The following MID2 variants were observed in gnomAD, a reference collection of about 807,000 sequenced individuals.
MID2 encodes the protein midline 2, also known as probable E3 ubiquitin-protein ligase MID2.
Under a neutral mutation model 46.1 loss-of-function variants are expected in MID2, and 13 were observed. That is an observed-to-expected ratio of 0.28 (90% CI 0.18 to 0.45). The LOEUF (loss-of-function observed/expected upper bound fraction) is 0.45, where lower values mean the gene tolerates loss of function less well. Among genes scored for constraint, MID2 ranks in the 20% least tolerant of loss-of-function variants. The probability of loss-of-function intolerance (pLI) is 1.00; values close to 1 mark genes in which losing one functional copy is unlikely to be tolerated. For missense variants in MID2, 431 were observed against 575.4 expected, an observed-to-expected ratio of 0.75 and a Z score of 2.57; for synonymous variants, 199 against 212.3, an observed-to-expected ratio of 0.94 and a Z score of 0.55.
At chrX:107,838,274 C>T (rs1224922924) in intron 1 of MID2, among the ~76,000 whole-genome samples, 2 of 111,904 alleles carry the variant, frequency 1.8e-5, no homozygotes, top group African/African-American at 6.5e-5. Context: ...TCAAATGGAG[C>T]TCTCTAAGGC....
chrX:107,899,657 G>A (rs1251417367), intron 3 of MID2, among the ~76,000 whole-genome samples: 1 of 111,643 alleles, frequency 9.0e-6, no homozygotes, highest in African/African-American at 3.3e-5. Context: ...ATCACAAACT[G>A]CCTCCCAAAA....
At position 107,901,937 on chromosome X, in the gene MID2, C is replaced by T. The variant is rs1346442863; in HGVS notation, c.817-2021C>T. 3.0e-4 allele frequency among the ~76,000 whole-genome samples: 33 copies of T among 111,399 alleles called. No individual in the cohort carries two copies. In the Admixed American group the frequency reaches 3.1e-3, roughly 11 times the overall value. On this transcript the variant is annotated intron_variant, in intron 3 of 9. Coordinates refer to ENST00000262843, the MANE Select transcript of MID2 (RefSeq NM_012216.4). ...GAAGTGACTAATGAGAAACGGATGA[C>T]AGAATAAAGATGGATGATTTGAAAG...
At chrX:107,912,671 G>A (rs923814816) in intron 5 of MID2, among the ~76,000 whole-genome samples, 2 of 111,219 alleles carry the variant, frequency 1.8e-5, no homozygotes, top group African/African-American at 6.6e-5. Flanking sequence ...CGTTCTCCTT[G>A]TTGCAAACTC....
In MID2 at chrX:107,854,680, A is replaced by G; in HGVS notation, c.792A>G (p.Leu264=). The G allele has an allele frequency of 2.5e-6, 3 of 1,208,110 alleles. No individual in the cohort carries two copies. The highest frequency in any genetic ancestry group is 3.4e-6 in the Non-Finnish European group (3 of 892,185). Residue 264 remains leucine, a synonymous_variant, in exon 3 of 10, where the codon CTA becomes CTG. Coordinates refer to ENST00000262843, the MANE Select transcript of MID2 (RefSeq NM_012216.4). ...AACTAGAAAATCAAATGGCCAAACT[A>G]ATACAGATCTGCCAGCAGGTTGAGG... ...NSELENQMAK[L]IQICQQVEVN...
At chrX:107,871,581 C>A (rs1197823484) in intron 3 of MID2, among the ~76,000 whole-genome samples, 1 of 111,332 alleles carries the variant, frequency 9.0e-6, no homozygotes, top group Non-Finnish European at 1.9e-5. Context: ...TGTTCAACAT[C>A]CAAGAGGAAT....
At chrX:107,836,903 A>C (rs1165472940) in intron 1 of MID2, among the ~76,000 whole-genome samples, 3 of 112,204 alleles carry the variant, frequency 2.7e-5, no homozygotes, top group Non-Finnish European at 5.6e-5. Flanking sequence ...TTCTTTACAG[A>C]GCTGAAATAA....
chrX:107,826,686 C>G (rs904283819), intron 1 of MID2, among the ~76,000 whole-genome samples: 10 of 112,868 alleles, frequency 8.9e-5, no homozygotes, highest in African/African-American at 3.2e-4. Flanking sequence ...GTTTGCACTC[C>G]GGGGTGCGGG....
chrX:107,840,614 T>C, intron 1 of MID2, 56 bp from the exon 2 acceptor site: 3 of 953,394 alleles, frequency 3.1e-6, no homozygotes, highest in Non-Finnish European at 4.4e-6. Context: ...TATAATTGTG[T>C]TATATCCATT....
chrX:107,833,937 G>A (rs762380314), intron 1 of MID2, among the ~76,000 whole-genome samples: 1 of 110,901 alleles, frequency 9.0e-6, no homozygotes, highest in South Asian at 3.9e-4. Context: ...GGGACTACAG[G>A]TGCATGCCAC....
intron 3 of MID2, among the ~76,000 whole-genome samples, chrX:107,902,529 A>G (rs751749231): frequency 4.1e-4 from 46 of 111,469 alleles, no homozygotes; most frequent in African/African-American, 1.4e-3. Context: ...ATTCAGAGTA[A>G]ACAGAAGCCC....
chrX:107,833,112 TC>T (rs1161373621), intron 1 of MID2, among the ~76,000 whole-genome samples: 2 of 111,856 alleles, frequency 1.8e-5, no homozygotes, highest in Non-Finnish European at 3.8e-5. Context: ...TTGTTAGCCT[TC>T]CTAGTCACAC....
chrX:107,876,660 C>G (rs752011083), intron 3 of MID2, among the ~76,000 whole-genome samples: 1 of 109,687 alleles, frequency 9.1e-6, no homozygotes, highest in Non-Finnish European at 1.9e-5. Flanking sequence ...ATATGTGATA[C>G]TAAGCTCATC....
At chrX:107,887,496 G>C (rs76953367) in intron 3 of MID2, among the ~76,000 whole-genome samples, 4,284 of 111,427 alleles carry the variant, frequency 0.038, 88 homozygotes, top group Middle Eastern at 0.18. Context: ...GGTGGATAAG[G>C]TTTTTGATGT....
intron 6 of MID2, 118 bp downstream of exon 6, chrX:107,916,247 TG>T: frequency 7.3e-6 from 4 of 546,442 alleles, no homozygotes; most frequent in Non-Finnish European, 1.0e-5. Context: ...ATCTTTAAAA[TG>T]ATGCATGTGT....
At chrX:107,901,677 G>T (rs1932795486) in intron 3 of MID2, among the ~76,000 whole-genome samples, 1 of 111,329 alleles carries the variant, frequency 9.0e-6, no homozygotes, top group Non-Finnish European at 1.9e-5. Flanking sequence ...ATAGGAAATG[G>T]TATAATTGAA....
chrX:107,871,010 AT>A lies in MID2; in HGVS notation c.816+16313del, dbSNP rs1024366919. On this transcript the variant is annotated intron_variant, in intron 3 of 9. Coordinates refer to ENST00000262843, the MANE Select transcript of MID2 (RefSeq NM_012216.4). ...GAATTTCCTCCTTCTATTTACTTTC[AT>A]TTTTTTGTCCTTTTCCAGTTTCTTA... 1.6e-4 allele frequency among the ~76,000 whole-genome samples: 18 copies of A among 109,589 alleles called. 1 individual carries two copies. The highest frequency in any genetic ancestry group is 5.7e-4 in the African/African-American group (17 of 30,013).
intron 3 of MID2, among the ~76,000 whole-genome samples, chrX:107,861,114 G>A (rs1931843028): frequency 9.0e-6 from 1 of 111,617 alleles, no homozygotes; most frequent in Non-Finnish European, 1.9e-5. Flanking sequence ...CAGCAAAGGA[G>A]AAACAAAGAG....
At chrX:107,843,268 A>G (rs1336395748) in intron 2 of MID2, among the ~76,000 whole-genome samples, 1 of 112,121 alleles carries the variant, frequency 8.9e-6, no homozygotes, top group Non-Finnish European at 1.9e-5. Context: ...GTCCATATGC[A>G]CTGTTGAGAT....
chrX:107,848,434 C>A (rs1328722189), intron 2 of MID2, among the ~76,000 whole-genome samples: 1 of 111,234 alleles, frequency 9.0e-6, no homozygotes, highest in Non-Finnish European at 1.9e-5. Context: ...TCATGCTATG[C>A]ACCTGAAGAT....
Sources: gnomAD v4.1 joint callset for allele counts (sites outside exome capture counted in the v4.1 genomes callset) on GRCh38, gnomAD v4.1.1 for gene constraint, MANE v1.5 for transcripts, NCBI Gene and HGNC (gene_info 2026-07-23, HGNC 2026-07-21) for gene names.